Variants in TCF20 observed in about 807,000 individuals in gnomAD.
TCF20 encodes transcription factor 20, also known as SPRE-binding protein.
Under a neutral mutation model 148.6 loss-of-function variants are expected in TCF20, and 3 were observed. That is an observed-to-expected ratio of 0.02 (90% CI 0.01 to 0.05). The LOEUF is 0.05. TCF20 is among the 10% of genes least tolerant of loss of function. The pLI is 1.00. For missense variants in TCF20, 2,350 were observed against 2,429.3 expected, an observed-to-expected ratio of 0.97 and a Z score of 0.69; for synonymous variants, 1,049 against 909.5, an observed-to-expected ratio of 1.15 and a Z score of -2.76.
chr22:42,226,257 T>G (rs1302500592), intron 1 of TCF20, among the ~76,000 whole-genome samples: 1 of 152,242 alleles, frequency 6.6e-6, no homozygotes, highest in Non-Finnish European at 1.5e-5. Context: ...TCTTAAATGC[T>G]GAGCGTAGGG....
In TCF20 at chr22:42,214,823, A is replaced by T. The variant is rs1296141602; in HGVS notation, c.483T>A (p.Ser161=). The T allele has an allele frequency of 6.2e-7, 1 of 1,614,028 alleles. No individual in the cohort carries two copies. The highest frequency in any genetic ancestry group is 1.1e-5 in the South Asian group (1 of 91,078). The change falls in exon 2 of 6, where the codon TCT becomes TCA. Residue 161 remains serine (S), a synonymous_variant. Transcript: ENST00000677622. ...GCTGTTGGTACTGAGCACTCCCTGG[A>T]GAGAAAGGCCCAGTGTAATCCTGCT... ...HYQQDYTGPF[S]PGSAQYQQQA... is the part of the protein sequence containing the mutation.
At chr22:42,256,414 T>C (rs759756798) in intron 1 of TCF20, among the ~76,000 whole-genome samples, 11 of 152,196 alleles carry the variant, frequency 7.2e-5, no homozygotes, top group Non-Finnish European at 1.2e-4. Flanking sequence ...ATTTGGCCTG[T>C]GTCCCTTATC....
intron 3 of TCF20, among the ~76,000 whole-genome samples, chr22:42,175,360 G>A (rs1013297816): frequency 6.6e-6 from 1 of 151,840 alleles, no homozygotes; most frequent in African/African-American, 2.4e-5. Flanking sequence ...TTTTTCTTTT[G>A]AGACAGAGTC....
intron 1 of TCF20, among the ~76,000 whole-genome samples, chr22:42,322,184 T>C (rs548666366): frequency 6.6e-6 from 1 of 151,976 alleles, no homozygotes; most frequent in African/African-American, 2.4e-5. Context: ...GCAGTGGCAC[T>C]TAAGGGAGGC....
chr22:42,189,983 T>C (rs1937247288), intron 2 of TCF20, among the ~76,000 whole-genome samples: 1 of 152,204 alleles, frequency 6.6e-6, no homozygotes, highest in South Asian at 2.1e-4. Context: ...GCTGCTGATC[T>C]GGAATAGCAG....
At chr22:42,244,985 A>T (rs1415509458) in intron 1 of TCF20, among the ~76,000 whole-genome samples, 1 of 152,060 alleles carries the variant, frequency 6.6e-6, no homozygotes, top group Non-Finnish European at 1.5e-5. Context: ...GGGGTGGTTG[A>T]GGCACAAGAT....
intron 1 of TCF20, among the ~76,000 whole-genome samples, chr22:42,245,071 G>A (rs1924792310): frequency 1.3e-5 from 2 of 151,940 alleles, no homozygotes; most frequent in African/African-American, 4.8e-5. Flanking sequence ...CAACAGAGCC[G>A]GATCCTGTCT....
intron 2 of TCF20, among the ~76,000 whole-genome samples, chr22:42,201,928 C>T (rs1938056662): frequency 6.6e-6 from 1 of 152,156 alleles, no homozygotes; most frequent in Non-Finnish European, 1.5e-5. Flanking sequence ...CTTTTGCCTT[C>T]TGTCTTTTGA....
intron 2 of TCF20, among the ~76,000 whole-genome samples, chr22:42,184,708 A>C (rs1325821134): frequency 6.6e-6 from 1 of 152,208 alleles, no homozygotes; most frequent in Non-Finnish European, 1.5e-5. Context: ...CTAAATTAAG[A>C]CACATTTTAA....
chr22:42,296,801 C>A (rs1347470367), intron 1 of TCF20, among the ~76,000 whole-genome samples: 1 of 152,224 alleles, frequency 6.6e-6, no homozygotes, highest in Non-Finnish European at 1.5e-5. Flanking sequence ...CAGGGGGACC[C>A]AGGAGGCCCC....
chr22:42,223,759 G>A (rs1337015219), intron 1 of TCF20, among the ~76,000 whole-genome samples: 1 of 152,156 alleles, frequency 6.6e-6, no homozygotes, highest in Non-Finnish European at 1.5e-5. Flanking sequence ...TGTAACACCT[G>A]TATCGTTTGT....
intron 1 of TCF20, among the ~76,000 whole-genome samples, chr22:42,222,855 T>TA (rs1301960210): frequency 1.1e-4 from 17 of 152,172 alleles, no homozygotes; most frequent in Admixed American, 9.8e-4. Context: ...GTACCACTGA[T>TA]ATAATAAAAA....
intron 1 of TCF20, among the ~76,000 whole-genome samples, chr22:42,295,442 C>CTT (rs869294446): frequency 1.6e-4 from 22 of 134,624 alleles, no homozygotes; most frequent in Middle Eastern, 4.0e-3. Flanking sequence ...GTTTTCTTTT[C>CTT]TTTTTTTTTT....
rs758586270 is a variant in TCF20 at position 42,209,963 on chromosome 22, G to A, written c.5343C>T (p.Ala1781=). Reference sequence around the variant, plus strand: ...GGCGCCGCTTAAACCTGGGGTGTGCGGCCAGGCTTCTCTGCTCCTTCTGCT... The same window carrying A: ...GGCGCCGCTTAAACCTGGGGTGTGCAGCCAGGCTTCTCTGCTCCTTCTGCT... The part of the protein sequence containing the change: ...QQQQKEQRSL[A]AHPRFKRRHR... The change falls in exon 2 of 6, where the codon GCC becomes GCT. Residue 1781 remains alanine, a synonymous_variant. Transcript: ENST00000677622. 3.9e-5 allele frequency: 63 copies of A among 1,613,676 alleles called. No individual in the cohort carries two copies. The highest frequency in any genetic ancestry group is 8.3e-5 in the Admixed American group (5 of 59,996).
At chr22:42,303,604 C>T (rs1036979481) in intron 1 of TCF20, among the ~76,000 whole-genome samples, 2 of 152,242 alleles carry the variant, frequency 1.3e-5, no homozygotes, top group African/African-American at 4.8e-5. Context: ...CTGGCCTCAC[C>T]TTTAACTATC....
chr22:42,224,264 G>T (rs1922644203), intron 1 of TCF20, among the ~76,000 whole-genome samples: 1 of 152,082 alleles, frequency 6.6e-6, no homozygotes, highest in South Asian at 2.1e-4. Flanking sequence ...GAGGTCAGGA[G>T]ATTGAGACCA....
intron 1 of TCF20, among the ~76,000 whole-genome samples, chr22:42,328,981 G>A (rs369382424): frequency 1.5e-4 from 23 of 152,320 alleles, no homozygotes; most frequent in Admixed American, 3.3e-4. Flanking sequence ...GGCCCAGGCC[G>A]GCTGGAGCCT....
intron 1 of TCF20, among the ~76,000 whole-genome samples, chr22:42,301,499 CTG>C (rs1927335886): frequency 1.3e-5 from 2 of 152,208 alleles, no homozygotes; most frequent in South Asian, 2.1e-4. Flanking sequence ...GGAGGGGACA[CTG>C]TTCCCAGCCA....
At chr22:42,321,492 C>T (rs1385588445) in intron 1 of TCF20, among the ~76,000 whole-genome samples, 1 of 149,804 alleles carries the variant, frequency 6.7e-6, no homozygotes, top group African/African-American at 2.4e-5. Flanking sequence ...CATGGGGAAG[C>T]TTTCCAGGGC....
Sources: allele counts gnomAD v4.1 joint callset (sites outside exome capture counted in the v4.1 genomes callset), GRCh38; gene constraint gnomAD v4.1.1; transcripts MANE v1.5; gene names NCBI Gene and HGNC (gene_info 2026-07-23, HGNC 2026-07-21).